FUT8: variants seen among roughly 807,000 people sequenced by gnomAD.
The protein encoded by FUT8 is fucosyltransferase 8.
A neutral mutation model predicts 71.3 loss-of-function variants in FUT8; 29 were observed. That is an observed-to-expected ratio of 0.41 (90% CI 0.30 to 0.55). The LOEUF (loss-of-function observed/expected upper bound fraction) is 0.55, where lower values mean the gene tolerates loss of function less well. FUT8 is among the 20% of genes least tolerant of loss of function. The pLI is 0.34. For missense variants in FUT8, 544 were observed against 702.1 expected, an observed-to-expected ratio of 0.77 and a Z score of 2.55; for synonymous variants, 254 against 239.3, an observed-to-expected ratio of 1.06 and a Z score of -0.57.
chr14:65,485,952 A>C (rs548966839), intron 2 of FUT8, among the ~76,000 whole-genome samples: 1 of 152,252 alleles, frequency 6.6e-6, no homozygotes, highest in Admixed American at 6.5e-5. Flanking sequence ...GTTTCTTGAA[A>C]AATGTTGTTT....
chr14:65,439,183 A>C (rs1254542186), intron 1 of FUT8, among the ~76,000 whole-genome samples: 1 of 152,184 alleles, frequency 6.6e-6, no homozygotes, highest in Non-Finnish European at 1.5e-5. Flanking sequence ...TGTTACTGTC[A>C]CAGTTATTGG....
At chr14:65,395,574 C>A in the FUT8 span, among the ~76,000 whole-genome samples, 2 of 152,254 alleles carry the variant, frequency 1.3e-5, no homozygotes, top group Non-Finnish European at 2.9e-5. Context: ...ACCTTGTCCC[C>A]TTTTAACCAT....
intron 6 of FUT8, among the ~76,000 whole-genome samples, chr14:65,642,055 A>G (rs1056745696): frequency 6.6e-6 from 1 of 152,022 alleles, no homozygotes; most frequent in African/African-American, 2.4e-5. Flanking sequence ...TCAGTTTATT[A>G]AGTTTTTAAA....
intron 3 of FUT8, among the ~76,000 whole-genome samples, chr14:65,588,772 C>T (rs1887527306): frequency 6.6e-6 from 1 of 152,124 alleles, no homozygotes; most frequent in Admixed American, 6.6e-5. Flanking sequence ...ATTACATTAT[C>T]TTGTTATAAT....
At chr14:65,654,309 C>G (rs959745844) in intron 6 of FUT8, among the ~76,000 whole-genome samples, 2 of 152,144 alleles carry the variant, frequency 1.3e-5, no homozygotes, top group African/African-American at 2.4e-5. Flanking sequence ...GCTCTATAGG[C>G]CAGGCACGGT....
intron 3 of FUT8, among the ~76,000 whole-genome samples, chr14:65,570,980 A>T (rs1374637506): frequency 6.6e-6 from 1 of 151,980 alleles, no homozygotes. Flanking sequence ...TAACCAATCT[A>T]GTTGTTTCTG....
chr14:65,519,009 C>G (rs1882902905), intron 2 of FUT8, among the ~76,000 whole-genome samples: 1 of 152,128 alleles, frequency 6.6e-6, no homozygotes, highest in Admixed American at 6.6e-5. Flanking sequence ...ATGTATCAGA[C>G]ACACCACTAA....
intron 2 of FUT8, among the ~76,000 whole-genome samples, chr14:65,508,711 A>G (rs1366074177): frequency 2.0e-5 from 3 of 151,684 alleles, no homozygotes; most frequent in African/African-American, 7.3e-5. Flanking sequence ...CATGTTGGCC[A>G]GGCTGGTCTT....
the FUT8 span, among the ~76,000 whole-genome samples, chr14:65,363,459 G>A: frequency 6.6e-6 from 1 of 152,162 alleles, no homozygotes; most frequent in African/African-American, 2.4e-5. Flanking sequence ...GTTTCACCAT[G>A]TTGGTTAGGC....
chr14:65,358,919 A>T, the FUT8 span, among the ~76,000 whole-genome samples: 2 of 152,350 alleles, frequency 1.3e-5, no homozygotes, highest in South Asian at 2.1e-4. Context: ...ACTTAACAGC[A>T]TATGGTTACC....
At chr14:65,373,063 C>T in the FUT8 span, among the ~76,000 whole-genome samples, 1,404 of 151,786 alleles carry the variant, frequency 9.2e-3, 18 homozygotes, top group African/African-American at 0.032. Context: ...TAAGTGTGTC[C>T]CAAATATTAC....
intron 1 of FUT8, among the ~76,000 whole-genome samples, chr14:65,441,563 A>G (rs1169463250): frequency 6.6e-6 from 1 of 151,924 alleles, no homozygotes; most frequent in Non-Finnish European, 1.5e-5. Flanking sequence ...CACCATGGTG[A>G]AACCCCATCT....
chr14:65,459,109 A>G (rs1401380455), intron 2 of FUT8, among the ~76,000 whole-genome samples: 1 of 152,116 alleles, frequency 6.6e-6, no homozygotes, highest in Non-Finnish European at 1.5e-5. Flanking sequence ...TCTTAAATAG[A>G]CAAAACATTT....
At position 65,472,357 on chromosome 14, in the gene FUT8, G is replaced by C. The variant is rs549913958; in HGVS notation, c.-228+16639G>C. Among the ~76,000 whole-genome samples, 7 of 152,134 alleles carry C rather than the reference G, an allele frequency of 4.6e-5. No individual in the cohort carries two copies. In the South Asian group the frequency reaches 1.2e-3, roughly 27 times the overall value. On this transcript the variant is annotated intron_variant, in intron 2 of 10. Coordinates refer to ENST00000673929, the MANE Select transcript of FUT8 (RefSeq NM_001371533.1). The surrounding 1 kb of genome is among the most constrained non-coding windows in gnomAD (Gnocchi z 4.4). ...GCATTAATTTATTCTTGAGGGTTCT[G>C]ACCCCTCCCCACCATGCCCAACAAC... is the stretch of plus-strand genomic sequence containing the variant.
intron 2 of FUT8, among the ~76,000 whole-genome samples, chr14:65,496,698 C>G (rs1486288678): frequency 6.6e-6 from 1 of 152,138 alleles, no homozygotes; most frequent in East Asian, 1.9e-4. Flanking sequence ...AATTAAACCT[C>G]TTTTCTTTAT....
At chr14:65,529,239 CT>C (rs1026869713) in intron 2 of FUT8, 7 of 150,344 alleles carry the variant, frequency 4.7e-5, no homozygotes, top group African/African-American at 7.3e-5. Context: ...TTTTCTTTTT[CT>C]TTTTTTTTGA....
chr14:65,497,092 T>C (rs1160846851), intron 2 of FUT8, among the ~76,000 whole-genome samples: 1 of 152,208 alleles, frequency 6.6e-6, no homozygotes, highest in Non-Finnish European at 1.5e-5. Context: ...ACATACTTCA[T>C]ATGCAGTATA....
In FUT8 at chr14:65,650,153, G is replaced by T. The variant is rs142761771; in HGVS notation, c.598-19090G>T. 5.0e-3 allele frequency among the ~76,000 whole-genome samples: 764 copies of T among 152,044 alleles called. 7 individuals carry two copies. Among genetic ancestry groups the T allele is most frequent in the African/African-American group, 0.018 (730 of 41,484 alleles). Reference sequence around the variant, plus strand: ...CTACTAAAAATACAAAAAAAAATTAGCCGGGCGTGGTGGCACGCGCCTGTA... The same window carrying T: ...CTACTAAAAATACAAAAAAAAATTATCCGGGCGTGGTGGCACGCGCCTGTA... On this transcript the variant is annotated intron_variant, in intron 6 of 10. Coordinates refer to ENST00000673929, the MANE Select transcript of FUT8 (RefSeq NM_001371533.1).
intron 6 of FUT8, among the ~76,000 whole-genome samples, chr14:65,655,939 C>T (rs1050758295): frequency 2.6e-5 from 4 of 152,046 alleles, no homozygotes; most frequent in South Asian, 2.1e-4. Context: ...TCAAAAAACT[C>T]GGCATAAAGG....
Sources: gnomAD v4.1 joint callset for allele counts (sites outside exome capture counted in the v4.1 genomes callset) on GRCh38, gnomAD v4.1.1 for gene constraint, Gnocchi (gnomAD v3.1) non-coding constraint, MANE v1.5 for transcripts, NCBI Gene and HGNC (gene_info 2026-07-23, HGNC 2026-07-21) for gene names.